CALN1: variants seen among roughly 807,000 people sequenced by gnomAD.
CALN1 encodes calcium-binding protein 8.
In CALN1, 17 loss-of-function variants were observed where a neutral mutation model predicts 30.6. That is an observed-to-expected ratio of 0.56 (90% CI 0.38 to 0.83). The LOEUF (loss-of-function observed/expected upper bound fraction) is 0.83. CALN1 is among the 40% of genes least tolerant of loss of function. The probability of loss-of-function intolerance (pLI) is 0.00; values close to 1 mark genes in which losing one functional copy is unlikely to be tolerated. For missense variants in CALN1, 291 were observed against 354.9 expected (o/e 0.82, Z 1.45); for synonymous variants, 156 against 131.4 (o/e 1.19, Z -1.28).
chr7:72,226,649 A>G (rs547274148), intron 3 of CALN1, among the ~76,000 whole-genome samples: 4 of 152,226 alleles, frequency 2.6e-5, no homozygotes, highest in Non-Finnish European at 5.9e-5. Flanking sequence ...GATAAGAAAG[A>G]GGGCTGACAT....
chr7:71,877,650 A>AAT, intron 5 of CALN1, among the ~76,000 whole-genome samples: 1 of 151,930 alleles, frequency 6.6e-6, no homozygotes, highest in East Asian at 1.9e-4. Flanking sequence ...AAAAAAAACG[A>AAT]TGGAGAAATA....
chr7:72,364,400 G>T (rs945111357), intron 2 of CALN1, among the ~76,000 whole-genome samples: 1 of 152,222 alleles, frequency 6.6e-6, no homozygotes, highest in Non-Finnish European at 1.5e-5. Flanking sequence ...AACTATAGAT[G>T]TATCTGTAAT....
At chr7:72,159,294 A>T (rs1214311458) in intron 3 of CALN1, among the ~76,000 whole-genome samples, 1 of 152,214 alleles carries the variant, frequency 6.6e-6, no homozygotes, top group African/African-American at 2.4e-5. Flanking sequence ...GTAGAGATTT[A>T]AAGAACTAGA....
intron 2 of CALN1, among the ~76,000 whole-genome samples, chr7:72,352,855 A>G (rs1381019805): frequency 1.3e-5 from 2 of 152,160 alleles, no homozygotes; most frequent in African/African-American, 4.8e-5. Context: ...ATAAACCTGT[A>G]GCTAACTAGA....
At chr7:71,994,221 G>A (rs1165634279) in intron 5 of CALN1, among the ~76,000 whole-genome samples, 1 of 152,100 alleles carries the variant, frequency 6.6e-6, no homozygotes, top group Admixed American at 6.6e-5. Context: ...TTTACAGATA[G>A]TAAAATTGGG....
chr7:72,296,168 C>T (rs200952281), intron 2 of CALN1, among the ~76,000 whole-genome samples: 28 of 151,558 alleles, frequency 1.8e-4, no homozygotes, highest in East Asian at 1.2e-3. Flanking sequence ...ATTACATTTA[C>T]TGATTTGCGT....
intron 4 of CALN1, among the ~76,000 whole-genome samples, chr7:72,076,611 C>CAAAAAAA (rs572245834): frequency 1.6e-4 from 1 of 6,120 alleles, no homozygotes; most frequent in Non-Finnish European, 3.2e-4. Flanking sequence ...AAAAAAAAAG[C>CAAAAAAA]AAAAAAAAAA....
At chr7:72,357,973 T>G (rs1248234440) in intron 2 of CALN1, among the ~76,000 whole-genome samples, 2 of 150,996 alleles carry the variant, frequency 1.3e-5, no homozygotes, top group Non-Finnish European at 2.9e-5. Context: ...CCTGGCTAAT[T>G]TTTTTGTATT....
chr7:72,117,335 C>T (rs961330196), intron 3 of CALN1, among the ~76,000 whole-genome samples: 3 of 151,966 alleles, frequency 2.0e-5, no homozygotes, highest in Admixed American at 6.6e-5. Context: ...CTGTCGAAGC[C>T]GAGGTTTTTG....
At chr7:72,486,400 C>T in the CALN1 span, among the ~76,000 whole-genome samples, 20 of 151,956 alleles carry the variant, frequency 1.3e-4, no homozygotes, top group Admixed American at 1.2e-3. Context: ...GAGATGGAGC[C>T]TTGTTCTGTC....
At chr7:72,191,552 C>CAA (rs55780039) in intron 3 of CALN1, among the ~76,000 whole-genome samples, 4,388 of 72,180 alleles carry the variant, frequency 0.061, 563 homozygotes, top group East Asian at 0.27. Flanking sequence ...GACTCCGTCT[C>CAA]AAAAAAAAAA....
Position 72,243,137 on chromosome 7 carries a change from G to A in CALN1, c.244+35549C>T, listed in dbSNP as rs74504854. ...AGTGGGACCTCTGAGAGGTAATTAG[G>A]TTTAGATGAGGTCATGAGGGAGGAG... is the stretch of plus-strand genomic sequence containing the variant. On this transcript the variant is annotated intron_variant, in intron 3 of 6. Transcript: ENST00000395275. Among the ~76,000 whole-genome samples, 1,404 of 152,228 alleles carry A rather than the reference G, an allele frequency of 9.2e-3. 53 individuals carry two copies. In the East Asian group the frequency reaches 0.11, roughly 12 times the overall value.
intron 5 of CALN1, among the ~76,000 whole-genome samples, chr7:71,829,749 T>C (rs959559815): frequency 2.0e-5 from 3 of 152,098 alleles, no homozygotes; most frequent in African/African-American, 7.2e-5. Flanking sequence ...CTGGGAGCTG[T>C]TTGCAGTCTG....
intron 2 of CALN1, among the ~76,000 whole-genome samples, chr7:72,354,256 T>C (rs1562916332): frequency 6.6e-6 from 1 of 152,160 alleles, no homozygotes; most frequent in Non-Finnish European, 1.5e-5. Flanking sequence ...AAAATAAGTG[T>C]AAGTTCTGTA....
intron 3 of CALN1, among the ~76,000 whole-genome samples, chr7:72,227,851 C>T (rs1416952394): frequency 1.3e-5 from 2 of 149,552 alleles, no homozygotes; most frequent in African/African-American, 4.8e-5. Context: ...GTAGAGGCAC[C>T]AGAAACCCAG....
intron 6 of CALN1, among the ~76,000 whole-genome samples, chr7:71,789,374 G>C (rs968778686): frequency 6.6e-6 from 1 of 152,244 alleles, no homozygotes; most frequent in East Asian, 1.9e-4. Flanking sequence ...CTGAGATCAG[G>C]CTACTGTGCT....
chr7:72,360,857 T>C (rs908271130), intron 2 of CALN1, among the ~76,000 whole-genome samples: 21 of 151,634 alleles, frequency 1.4e-4, no homozygotes, highest in African/African-American at 3.6e-4. Context: ...GCTTCCTACA[T>C]AGCTGAGATT....
intron 5 of CALN1, among the ~76,000 whole-genome samples, chr7:71,960,853 T>G (rs2129525133): frequency 6.6e-6 from 1 of 152,326 alleles, no homozygotes; most frequent in Admixed American, 6.5e-5. Flanking sequence ...AGTCTTACTC[T>G]GTTGCCCAGG....
intron 5 of CALN1, among the ~76,000 whole-genome samples, chr7:71,838,681 T>C (rs113970106): frequency 2.6e-5 from 4 of 152,308 alleles, no homozygotes; most frequent in Admixed American, 1.3e-4. Flanking sequence ...TGGGAGGTAA[T>C]TGAATCATGG....
Sources: gnomAD v4.1 joint callset for allele counts (sites outside exome capture counted in the v4.1 genomes callset) on GRCh38, gnomAD v4.1.1 for gene constraint, MANE v1.5 for transcripts, NCBI Gene and HGNC (gene_info 2026-07-23, HGNC 2026-07-21) for gene names.